CACNA1I: variants seen among roughly 807,000 people sequenced by gnomAD.
CACNA1I encodes calcium voltage-gated channel subunit alpha1 I.
In CACNA1I, 74 loss-of-function variants were observed where a neutral mutation model predicts 201.6. The observed-to-expected ratio is 0.37, with a 90% CI of 0.30 to 0.45. The LOEUF is 0.45. CACNA1I is among the 20% of genes least tolerant of loss of function. The pLI, the probability that CACNA1I is intolerant of heterozygous loss-of-function variation, is 1.00. For missense variants in CACNA1I, 2,346 were observed against 3,138.1 expected (o/e 0.75, Z 6.03); for synonymous variants, 1,431 against 1,345.2 (o/e 1.06, Z -1.40).
rs71321165 is a variant in CACNA1I at position 39,602,334 on chromosome 22, C to G, written c.482+1681C>G. Among the ~76,000 whole-genome samples the G allele has an allele frequency of 3.8e-4, 58 of 151,852 alleles. 1 individual carries two copies. In the South Asian group the frequency reaches 0.011, roughly 29 times the overall value. On this transcript the variant is annotated intron_variant, in intron 3 of 36. Coordinates refer to ENST00000402142, the MANE Select transcript of CACNA1I (RefSeq NM_021096.4). ...AAGCTTTCCTCCCACCTCAGCCTCC[C>G]AAAGTGCTGGGATTACAGGTGTGAG...
At chr22:39,615,099 T>C (rs1933493855) in intron 3 of CACNA1I, among the ~76,000 whole-genome samples, 1 of 152,164 alleles carries the variant, frequency 6.6e-6, no homozygotes, top group Admixed American at 6.5e-5. Context: ...CTTCTCTTTT[T>C]GGAATGTGGG....
intron 1 of CACNA1I, among the ~76,000 whole-genome samples, chr22:39,597,218 G>T (rs1873688862): frequency 6.6e-6 from 1 of 152,200 alleles, no homozygotes; most frequent in South Asian, 2.1e-4. Context: ...ATTTCTTACT[G>T]GTATGACAGG....
intron 3 of CACNA1I, among the ~76,000 whole-genome samples, chr22:39,618,308 A>G (rs1440947277): frequency 7.7e-5 from 9 of 117,088 alleles, no homozygotes; most frequent in African/African-American, 2.8e-4. Flanking sequence ...CAGGTGTGTG[A>G]TTATGTGCGT....
At chr22:39,592,321 C>T (rs555955381) in intron 1 of CACNA1I, among the ~76,000 whole-genome samples, 4 of 152,108 alleles carry the variant, frequency 2.6e-5, no homozygotes, top group Non-Finnish European at 4.4e-5. Context: ...TGGGGAAACG[C>T]GGAGGGTTTC....
chr22:39,631,644 C>T (rs929887377), intron 4 of CACNA1I, among the ~76,000 whole-genome samples: 1 of 152,102 alleles, frequency 6.6e-6, no homozygotes, highest in African/African-American at 2.4e-5. Flanking sequence ...GCAGCCTCTC[C>T]GCTCTTTCTC....
At chr22:39,593,816 C>T (rs1206909932) in intron 1 of CACNA1I, among the ~76,000 whole-genome samples, 1 of 152,180 alleles carries the variant, frequency 6.6e-6, no homozygotes, top group Non-Finnish European at 1.5e-5. Flanking sequence ...AATCTGTTTC[C>T]CTTTTGTGTC....
intron 3 of CACNA1I, among the ~76,000 whole-genome samples, chr22:39,613,296 G>A (rs1933433495): frequency 6.6e-6 from 1 of 152,142 alleles, no homozygotes; most frequent in South Asian, 2.1e-4. Flanking sequence ...ACCCAGCAGG[G>A]GCTCTGAGCC....
intron 10 of CACNA1I, among the ~76,000 whole-genome samples, chr22:39,652,836 T>C (rs1934688023): frequency 1.3e-5 from 2 of 152,112 alleles, no homozygotes; most frequent in Admixed American, 1.3e-4. Flanking sequence ...ACCCAGGAAT[T>C]TGAGGCTGCA....
rs774540280 is a variant in CACNA1I, at chr22:39,656,315, G to C, written c.1993-1837G>C. ...TGCTGATGGAGGGGCTCCTGCTCTC[G>C]GTCCTCTGCTCTCCCACCTCCCAGC... is the stretch of plus-strand genomic sequence containing the variant. On this transcript the variant is annotated intron_variant, in intron 10 of 36. Coordinates refer to ENST00000402142, the MANE Select transcript of CACNA1I (RefSeq NM_021096.4). The C allele has an allele frequency of 2.4e-4, 117 of 482,134 alleles. 1 individual carries two copies. The highest frequency in any genetic ancestry group is 4.3e-4 in the Non-Finnish European group (104 of 239,184). The allele number at this position is 482,134 out of a possible 1,614,324, so 29.9% of individuals were successfully genotyped here. A position where few individuals can be genotyped will look rare whatever the true frequency, so the allele number is the denominator to read the frequency against.
chr22:39,684,344 T>C lies in CACNA1I; in HGVS notation c.5873T>C (p.Leu1958Pro), dbSNP rs372471375. 138 of 1,613,514 alleles carry C rather than the reference T, an allele frequency of 8.6e-5. No individual in the cohort carries two copies. The highest frequency in any genetic ancestry group is 1.0e-4 in the Admixed American group (6 of 60,002). ...PFSPDASSPL[L>P]PMPAEFFHPA... ...TCCCCGGATGCCTCCAGCCCTCTCC[T>C]GCCCATGCCAGCCGAGTTCTTCCAC... Residue 1958 changes from leucine (L) to proline (P), a missense_variant, in exon 36 of 37, where the codon CTG (leucine) becomes CCG (proline). Leu to Pro is a moderately conservative substitution (Grantham distance 98). Transcript: ENST00000402142. This position sits in a 1 kb window ranked among gnomAD's most constrained non-coding sequence, Gnocchi z 4.6.
intron 3 of CACNA1I, among the ~76,000 whole-genome samples, chr22:39,606,091 G>A (rs750714671): frequency 2.0e-5 from 3 of 152,080 alleles, no homozygotes; most frequent in Non-Finnish European, 4.4e-5. Flanking sequence ...AAAGGACAGC[G>A]TTCATCCCTT....
rs567097990 is a variant in CACNA1I, at chr22:39,676,825, G to C, written c.4855-516G>C. Reference sequence around the variant, plus strand: ...TGGTTTCGTAGAGGAGCTAGTGTTAGAGCTGAGACCTCCTGCCTTCTCCCT... The same window carrying C: ...TGGTTTCGTAGAGGAGCTAGTGTTACAGCTGAGACCTCCTGCCTTCTCCCT... On this transcript the variant is annotated intron_variant, in intron 29 of 36. Transcript: ENST00000402142. This position sits in a 1 kb window ranked among gnomAD's most constrained non-coding sequence, Gnocchi z 4.8. Among the ~76,000 whole-genome samples the C allele has an allele frequency of 1.2e-4, 18 of 152,336 alleles. No individual in the cohort carries two copies. Among genetic ancestry groups the C allele is most frequent in the African/African-American group, 4.1e-4 (17 of 41,580 alleles).
intron 1 of CACNA1I, among the ~76,000 whole-genome samples, chr22:39,595,881 A>G (rs1167682827): frequency 6.6e-6 from 1 of 151,478 alleles, no homozygotes; most frequent in African/African-American, 2.4e-5. Context: ...TGGAATGTAG[A>G]TTAGAGCAGT....
rs758713443 is a variant in CACNA1I at position 39,686,611 on chromosome 22, T to TATATATATATATGCATATATATAC, written c.*218_*219insGCATATATATACATATATATATAT. Reference sequence around the variant, plus strand: ...GGCCCTTCCAGTGCATATACATACATATATATATATATATGCATATATATA... The same window carrying TATATATATATATGCATATATATAC: ...GGCCCTTCCAGTGCATATACATACATATATATATATATGCATATATATACATATATATATATATGCATATATATA... On this transcript the variant is annotated 3_prime_UTR_variant, in exon 37 of 37. Coordinates refer to ENST00000402142, the MANE Select transcript of CACNA1I (RefSeq NM_021096.4). The TATATATATATATGCATATATATAC allele has an allele frequency of 5.4e-5, 1 of 18,562 alleles. No individual in the cohort carries two copies. Among genetic ancestry groups the TATATATATATATGCATATATATAC allele is most frequent in the Non-Finnish European group, 9.5e-5 (1 of 10,530 alleles). The allele number at this position is 18,562 out of a possible 1,614,324, so 1.1% of individuals were successfully genotyped here. A position where few individuals can be genotyped will look rare whatever the true frequency, so the allele number is the denominator to read the frequency against.
chr22:39,606,224 C>A (rs1024364720), intron 3 of CACNA1I, among the ~76,000 whole-genome samples: 1 of 152,092 alleles, frequency 6.6e-6, no homozygotes, highest in African/African-American at 2.4e-5. Flanking sequence ...TGTGGGATTG[C>A]GGTGGCCTGG....
chr22:39,613,047 G>C (rs958488096), intron 3 of CACNA1I, among the ~76,000 whole-genome samples: 1 of 152,174 alleles, frequency 6.6e-6, no homozygotes, highest in Non-Finnish European at 1.5e-5. Flanking sequence ...AGCCCCCGTG[G>C]GCCCCTTGTG....
At chr22:39,574,573 G>A (rs1932284812) in intron 1 of CACNA1I, among the ~76,000 whole-genome samples, 1 of 152,120 alleles carries the variant, frequency 6.6e-6, no homozygotes, top group Admixed American at 6.5e-5. Context: ...AGGGGGCCTG[G>A]GGCAGTGCTT....
rs532240037 is a variant in CACNA1I at position 39,662,543 on chromosome 22, C to T, written c.3372+108C>T. The T allele has an allele frequency of 9.1e-4, 792 of 866,922 alleles. 4 individuals carry two copies. The highest frequency in any genetic ancestry group is 5.7e-3 in the Middle Eastern group (16 of 2,804). The allele number at this position is 866,922 out of a possible 1,614,324, so 53.7% of individuals were successfully genotyped here. On this transcript the variant is annotated intron_variant, in intron 17 of 36. Coordinates refer to ENST00000402142, the MANE Select transcript of CACNA1I (RefSeq NM_021096.4). The stretch of plus-strand genomic sequence containing the variant: ...CGGGCGGGCCCACGGGGGGCGTGGC[C>T]GGGGCGTGGCCGGAGCGGCTAGGGC...
chr22:39,585,909 G>A (rs962289979), intron 1 of CACNA1I, among the ~76,000 whole-genome samples: 4 of 151,552 alleles, frequency 2.6e-5, no homozygotes, highest in African/African-American at 4.9e-5. Flanking sequence ...GACCTGGCGC[G>A]GTGGCTCACG....
Sources: allele counts gnomAD v4.1 joint callset (sites outside exome capture counted in the v4.1 genomes callset), GRCh38; gene constraint gnomAD v4.1.1; non-coding constraint Gnocchi (gnomAD v3.1); transcripts MANE v1.5; gene names NCBI Gene and HGNC (gene_info 2026-07-23, HGNC 2026-07-21).